Variants in TGFBR3 observed in about 807,000 individuals in gnomAD.
TGFBR3 encodes transforming growth factor beta receptor 3.
A neutral mutation model predicts 87.9 loss-of-function variants in TGFBR3; 46 were observed. That is an observed-to-expected ratio of 0.52 (90% confidence interval 0.41 to 0.67). The LOEUF (loss-of-function observed/expected upper bound fraction) is 0.67, where lower values mean the gene tolerates loss of function less well. Ranked by LOEUF, TGFBR3 falls within the 30% of genes least tolerant of loss-of-function variation. The probability of loss-of-function intolerance (pLI) is 0.00; values close to 1 mark genes in which losing one functional copy is unlikely to be tolerated. For missense variants in TGFBR3, 866 were observed against 1,041.9 expected (o/e 0.83, Z 2.32); for synonymous variants, 381 against 391.6 (o/e 0.97, Z 0.32).
chr1:91,748,661 C>T (rs965016410), intron 4 of TGFBR3, among the ~76,000 whole-genome samples: 12 of 152,094 alleles, frequency 7.9e-5, no homozygotes, highest in Admixed American at 6.6e-4. Flanking sequence ...AAATCATAGT[C>T]ATGCCCTCGA....
chr1:91,682,634 G>A lies in TGFBR3; in HGVS notation c.*1105C>T, dbSNP rs1405403782. On this transcript the variant is annotated 3_prime_UTR_variant, in exon 17 of 17. Transcript: ENST00000212355. ...GACACTATTCAGATAACCAACTGGA[G>A]ACCGACAGGATTTGCCATGCATTTG... is the stretch of plus-strand genomic sequence containing the variant. 2.2e-6 allele frequency: 1 copy of A among 453,858 alleles called. No individual in the cohort carries two copies. Among genetic ancestry groups the A allele is most frequent in the Non-Finnish European group, 4.4e-6 (1 of 226,760 alleles). The allele number at this position is 453,858 out of a possible 1,614,324, so 28.1% of individuals were successfully genotyped here.
chr1:91,775,996 C>T (rs912203190), intron 3 of TGFBR3, among the ~76,000 whole-genome samples: 1 of 152,196 alleles, frequency 6.6e-6, no homozygotes, highest in African/African-American at 2.4e-5. Context: ...TTGTATAGAA[C>T]AGAGCTGATG....
intron 16 of TGFBR3, among the ~76,000 whole-genome samples, chr1:91,694,130 A>G (rs565172388): frequency 1.3e-4 from 20 of 152,218 alleles, no homozygotes; most frequent in African/African-American, 4.1e-4. Context: ...CAGCTGGGAC[A>G]AGAGATGCAC....
intron 15 of TGFBR3, among the ~76,000 whole-genome samples, chr1:91,696,732 TATC>T (rs1671445780): frequency 6.6e-6 from 1 of 152,202 alleles, no homozygotes; most frequent in African/African-American, 2.4e-5. Flanking sequence ...TCCCCACTAT[TATC>T]ATATTATTTC....
At chr1:91,901,553 T>C (rs922528472) in intron 1 of TGFBR3, among the ~76,000 whole-genome samples, 3 of 152,186 alleles carry the variant, frequency 2.0e-5, no homozygotes, top group Non-Finnish European at 2.9e-5. Flanking sequence ...TATACTATTA[T>C]ATATTATAAC....
chr1:91,869,511 A>G (rs1199358529), intron 1 of TGFBR3, among the ~76,000 whole-genome samples: 1 of 152,214 alleles, frequency 6.6e-6, no homozygotes, highest in Non-Finnish European at 1.5e-5. Flanking sequence ...CAAGAAATAC[A>G]GAATTAGCCA....
intron 16 of TGFBR3, among the ~76,000 whole-genome samples, chr1:91,689,401 C>A (rs567770396): frequency 6.6e-6 from 1 of 152,244 alleles, no homozygotes; most frequent in Non-Finnish European, 1.5e-5. Context: ...GGGAACTCCA[C>A]GACAGCAAGG....
chr1:91,835,827 C>CAAAAAAAAAAA (rs57326419), intron 2 of TGFBR3, among the ~76,000 whole-genome samples: 5 of 74,770 alleles, frequency 6.7e-5, no homozygotes, highest in Non-Finnish European at 1.2e-4. Context: ...GACTCCACCT[C>CAAAAAAAAAAA]AAAAAAAAAA....
At chr1:91,769,700 A>G (rs1167775836) in intron 3 of TGFBR3, among the ~76,000 whole-genome samples, 1 of 151,198 alleles carries the variant, frequency 6.6e-6, no homozygotes, top group African/African-American at 2.4e-5. Flanking sequence ...CCATGTGTGT[A>G]TTTTACTCTG....
At chr1:91,797,211 A>G in intron 3 of TGFBR3, 76 bp downstream of exon 3, 1 of 1,500,896 alleles carries the variant, frequency 6.7e-7, no homozygotes, top group Non-Finnish European at 9.3e-7. Flanking sequence ...CCAGAAGAGA[A>G]GAAAAGGACT....
In TGFBR3 at chr1:91,799,226, T is replaced by A. The variant is rs547879599; in HGVS notation, c.62-1755A>T. Among the ~76,000 whole-genome samples, 4 of 152,320 alleles carry A rather than the reference T, an allele frequency of 2.6e-5. No homozygotes were observed. The South Asian group carries it at 8.3e-4, about 32-fold the overall frequency. ...AGTCTATTTCAGGACTTACAGAAAT[T>A]ATCTAGGCTGATAATAGCTATCTGG... On this transcript the variant is annotated intron_variant, in intron 2 of 16. Coordinates refer to ENST00000212355, the MANE Select transcript of TGFBR3 (RefSeq NM_003243.5).
chr1:91,733,130 C>T (rs1672832363), intron 5 of TGFBR3, among the ~76,000 whole-genome samples: 1 of 152,194 alleles, frequency 6.6e-6, no homozygotes, highest in Non-Finnish European at 1.5e-5. Flanking sequence ...ACTTTTTGAG[C>T]CCAGCCCTCC....
chr1:91,719,362 C>G lies in TGFBR3; in HGVS notation c.1516G>C (p.Gly506Arg), dbSNP rs754374295. The G allele has an allele frequency of 6.2e-7, 1 of 1,614,138 alleles. No individual in the cohort carries two copies. Among genetic ancestry groups the G allele is most frequent in the Non-Finnish European group, 8.5e-7 (1 of 1,180,034 alleles). The stretch of plus-strand genomic sequence containing the variant: ...AGGGCTGACCACCGGGGCCGAGTAC[C>G]GCAGCCATTCAGAGGAGACTCCAAA... ...FVLESPLNGC[G>R]TRPRWSALDG... Residue 506 changes from glycine to arginine, a missense_variant, in exon 10 of 17, where the codon GGT (glycine) becomes CGT (arginine). Transcript: ENST00000212355.
chr1:91,759,151 GT>G (rs1333088821), intron 3 of TGFBR3, among the ~76,000 whole-genome samples: 4 of 152,070 alleles, frequency 2.6e-5, no homozygotes, highest in Non-Finnish European at 2.9e-5. Context: ...TTGGGGTGGG[GT>G]CATCCCTCTG....
intron 1 of TGFBR3, among the ~76,000 whole-genome samples, chr1:91,874,143 T>C (rs183490672): frequency 1.4e-3 from 210 of 152,238 alleles, no homozygotes; most frequent in African/African-American, 4.7e-3. Context: ...TTATATATTA[T>C]ATAGAGACCA....
In TGFBR3 at chr1:91,681,680, AAATTT is replaced by A; in HGVS notation, c.*2054_*2058del. 2.3e-6 allele frequency: 1 copy of A among 443,070 alleles called. No homozygotes were observed. The highest frequency in any genetic ancestry group is 4.5e-6 in the Non-Finnish European group (1 of 223,700). The allele number at this position is 443,070 out of a possible 1,614,324, so 27.4% of individuals were successfully genotyped here. A position where few individuals can be genotyped will look rare whatever the true frequency, so the allele number is the denominator to read the frequency against. ...TTAAACATTTCATATGGAGTAACTT[AAATTT>A]ATCTAAAACACTTAAATATATCTTT... On this transcript the variant is annotated 3_prime_UTR_variant, in exon 17 of 17. Coordinates refer to ENST00000212355, the MANE Select transcript of TGFBR3 (RefSeq NM_003243.5).
At chr1:91,841,426 G>C (rs1357464628) in intron 2 of TGFBR3, among the ~76,000 whole-genome samples, 2 of 152,160 alleles carry the variant, frequency 1.3e-5, no homozygotes, top group Non-Finnish European at 2.9e-5. Flanking sequence ...CTTCATTCCT[G>C]CTGAGTCACC....
rs1287546090 is a variant in TGFBR3, at chr1:91,680,769, G to A, written c.*2970C>T. 5 of 453,876 alleles carry A rather than the reference G, an allele frequency of 1.1e-5. No homozygotes were observed. Among genetic ancestry groups the A allele is most frequent in the South Asian group, 3.1e-5 (2 of 64,474 alleles). 28.1% of individuals were successfully genotyped at this position (453,876 alleles called of 1,614,324 possible). A position where few individuals can be genotyped will look rare whatever the true frequency, so the allele number is the denominator to read the frequency against. On this transcript the variant is annotated 3_prime_UTR_variant, in exon 17 of 17. Transcript: ENST00000212355. Reference sequence around the variant, plus strand: ...AGTTACAGTACAAAAAGACTGGCACGCGTGTGAGCACCCCACACACACTCA... The same window carrying A: ...AGTTACAGTACAAAAAGACTGGCACACGTGTGAGCACCCCACACACACTCA...
At chr1:91,759,383 CAAAAAAAAAAA>C (rs35600646) in intron 3 of TGFBR3, among the ~76,000 whole-genome samples, 2 of 84,706 alleles carry the variant, frequency 2.4e-5, no homozygotes, top group Admixed American at 1.3e-4. Context: ...CAGCCCCTGT[CAAAAAAAAAAA>C]AAAAAAAAAA....
Sources: gnomAD v4.1 joint callset for allele counts (sites outside exome capture counted in the v4.1 genomes callset) on GRCh38, gnomAD v4.1.1 for gene constraint, MANE v1.5 for transcripts, NCBI Gene and HGNC (gene_info 2026-07-23, HGNC 2026-07-21) for gene names.